ANO4: variants seen among roughly 807,000 people sequenced by gnomAD.
The protein encoded by ANO4 is anoctamin 4.
ANO4 carries 69 observed loss-of-function variants against 141.9 expected under a neutral mutation model. The observed-to-expected ratio is 0.49, with a 90% confidence interval of 0.40 to 0.59. The LOEUF is 0.59. Among genes scored for constraint, ANO4 ranks in the 20% least tolerant of loss-of-function variants. ANO4 has a pLI of 0.00. For missense variants in ANO4, 894 were observed against 1,162.2 expected, an observed-to-expected ratio of 0.77 and a Z score of 3.36; for synonymous variants, 350 against 394.3, an observed-to-expected ratio of 0.89 and a Z score of 1.33.
At chr12:100,762,614 T>G (rs541783023) in intron 3 of ANO4, among the ~76,000 whole-genome samples, 1 of 152,270 alleles carries the variant, frequency 6.6e-6, no homozygotes, top group South Asian at 2.1e-4. Context: ...AGTGCACATC[T>G]TCAACACTAG....
intron 1 of ANO4, among the ~76,000 whole-genome samples, chr12:100,815,663 A>C (rs1009210579): frequency 1.3e-5 from 2 of 152,112 alleles, no homozygotes; most frequent in Admixed American, 6.5e-5. Flanking sequence ...CTAGAATACA[A>C]TTCAGATTTA....
intron 22 of ANO4, among the ~76,000 whole-genome samples, chr12:101,109,083 A>G (rs960119953): frequency 1.3e-5 from 2 of 152,158 alleles, no homozygotes; most frequent in Non-Finnish European, 2.9e-5. Flanking sequence ...AGTATTTGTC[A>G]GTAGTTTTGG....
intron 1 of ANO4, among the ~76,000 whole-genome samples, chr12:100,866,436 C>G (rs529073615): frequency 1.3e-5 from 2 of 152,280 alleles, no homozygotes; most frequent in African/African-American, 4.8e-5. Flanking sequence ...CCCAAACCTT[C>G]GTTCTGCAGA....
intron 24 of ANO4, among the ~76,000 whole-genome samples, chr12:101,113,996 C>T (rs2050758453): frequency 6.6e-6 from 1 of 152,192 alleles, no homozygotes; most frequent in African/African-American, 2.4e-5. Context: ...GGAAACCCTT[C>T]GTCTGTTACT....
At chr12:100,762,777 G>A (rs1182571092) in intron 3 of ANO4, among the ~76,000 whole-genome samples, 2 of 152,174 alleles carry the variant, frequency 1.3e-5, no homozygotes, top group East Asian at 3.9e-4. Context: ...CATACTCTGT[G>A]CCATGCCTCG....
At chr12:100,791,152 G>C (rs746222021), upstream of ANO4, among the ~76,000 whole-genome samples, 4 of 152,184 alleles carry the variant, frequency 2.6e-5, no homozygotes, top group Non-Finnish European at 5.9e-5. Context: ...GCTGAGGCAG[G>C]CGGATTGCCT....
At chr12:101,025,152 C>A (rs1375377748) in intron 9 of ANO4, among the ~76,000 whole-genome samples, 1 of 152,200 alleles carries the variant, frequency 6.6e-6, no homozygotes, top group African/African-American at 2.4e-5. Context: ...AAGATTTACT[C>A]TCCCACCTGA....
At chr12:100,726,712 T>C (rs1182173897) in intron 1 of ANO4, among the ~76,000 whole-genome samples, 1 of 152,166 alleles carries the variant, frequency 6.6e-6, no homozygotes, top group Non-Finnish European at 1.5e-5. Context: ...GCTTATATAG[T>C]GAATGCTACC....
chr12:100,974,205 G>A (rs1048727024), intron 6 of ANO4, among the ~76,000 whole-genome samples: 4 of 152,050 alleles, frequency 2.6e-5, no homozygotes, highest in African/African-American at 9.7e-5. Flanking sequence ...ACTGATTTTT[G>A]TATAGTTTCC....
At chr12:101,126,781 A>G (rs539624156) in intron 26 of ANO4, 98 bp from the exon 27 acceptor site, 1 of 1,149,096 alleles carries the variant, frequency 8.7e-7, no homozygotes, top group East Asian at 2.5e-5. Flanking sequence ...TGCACTCTCC[A>G]CATACCCCAG....
intron 3 of ANO4, among the ~76,000 whole-genome samples, chr12:100,770,921 T>C (rs2033272604): frequency 6.6e-6 from 1 of 151,644 alleles, no homozygotes; most frequent in Non-Finnish European, 1.5e-5. Flanking sequence ...GTTGGGAAGA[T>C]GAAAGGATGG....
At chr12:100,942,054 C>T (rs1280087422) in intron 4 of ANO4, among the ~76,000 whole-genome samples, 1 of 151,368 alleles carries the variant, frequency 6.6e-6, no homozygotes, top group Non-Finnish European at 1.5e-5. Context: ...GATCTGGGCT[C>T]ACTGCAACCT....
chr12:101,106,559 A>C (rs1010977529), intron 22 of ANO4, among the ~76,000 whole-genome samples: 5 of 134,438 alleles, frequency 3.7e-5, no homozygotes, highest in African/African-American at 1.5e-4. Context: ...ATGGATATTC[A>C]TGTGTGTGTG....
Position 100,760,532 on chromosome 12 carries a change from G to A in ANO4, c.358+20427G>A, listed in dbSNP as rs2032806560. Among the ~76,000 whole-genome samples the A allele has an allele frequency of 2.0e-5, 3 of 152,192 alleles. No homozygotes were observed. In the South Asian group the frequency reaches 6.2e-4, roughly 31 times the overall value. On this transcript the variant is annotated intron_variant, in intron 3 of 29. Coordinates refer to the ANO4 transcript ENST00000644049. The stretch of plus-strand genomic sequence containing the variant: ...TCTGATCTTTCCTGTTCTCTAAAAT[G>A]AGGAGTATTGAGTCAATCCCTAAGA...
intron 19 of ANO4, 103 bp downstream of exon 19, chr12:101,096,750 A>T: frequency 1.2e-6 from 1 of 839,256 alleles, no homozygotes; most frequent in African/African-American, 1.7e-5. Flanking sequence ...TGATTTATAC[A>T]AAGTGTAAAA....
At chr12:100,743,437 AAAG>A (rs2031963067) in intron 3 of ANO4, among the ~76,000 whole-genome samples, 1 of 151,972 alleles carries the variant, frequency 6.6e-6, no homozygotes, top group Admixed American at 6.6e-5. Flanking sequence ...AATTTTTAAA[AAAG>A]TAAATGATGA....
Position 101,066,109 on chromosome 12 carries a change from A to T in ANO4, c.1313-13084A>T, listed in dbSNP as rs546310372. Among the ~76,000 whole-genome samples the T allele has an allele frequency of 2.1e-4, 32 of 152,352 alleles. 1 individual carries two copies. Among genetic ancestry groups the T allele is most frequent in the South Asian group, 2.1e-3 (10 of 4,832 alleles). On this transcript the variant is annotated intron_variant, in intron 14 of 27. Coordinates refer to ENST00000392977, the MANE Select transcript of ANO4 (RefSeq NM_001286615.2). ...AAAAAACTGGGTGTAGAAGGAGAAT[A>T]CTTCAACATAATAAAAGCCACATAT...
chr12:100,898,581 T>C, intron 1 of ANO4, among the ~76,000 whole-genome samples: 1 of 152,346 alleles, frequency 6.6e-6, no homozygotes. Context: ...CATTTTTTGC[T>C]ATGATCTACA....
At chr12:100,745,207 C>G (rs1156418230) in intron 3 of ANO4, among the ~76,000 whole-genome samples, 2 of 152,176 alleles carry the variant, frequency 1.3e-5, no homozygotes, top group East Asian at 3.8e-4. Context: ...TCCCTAAAAG[C>G]TCATGATTTT....
Sources: allele counts gnomAD v4.1 joint callset (sites outside exome capture counted in the v4.1 genomes callset), GRCh38; gene constraint gnomAD v4.1.1; transcripts MANE v1.5; gene names NCBI Gene and HGNC (gene_info 2026-07-23, HGNC 2026-07-21).